Variants in ROBO2 observed in about 807,000 individuals in gnomAD.
The protein encoded by ROBO2 is roundabout guidance receptor 2.
ROBO2 carries 53 observed loss-of-function variants against 160.8 expected under a neutral mutation model. The observed-to-expected ratio is 0.33, with a 90% CI of 0.26 to 0.41. ROBO2 has a LOEUF of 0.41. ROBO2 is among the 10% of genes least tolerant of loss of function. The pLI, the probability that ROBO2 is intolerant of heterozygous loss-of-function variation, is 1.00. For missense variants in ROBO2, 1,577 were observed against 1,722.4 expected (o/e 0.92, Z 1.49); for synonymous variants, 664 against 611.7 (o/e 1.09, Z -1.26).
intron 2 of ROBO2, among the ~76,000 whole-genome samples, chr3:76,420,670 T>G (rs2075957434): frequency 6.6e-6 from 1 of 152,196 alleles, no homozygotes; most frequent in Admixed American, 6.5e-5. Flanking sequence ...CAATATTTTA[T>G]AGTAATAAGC....
chr3:77,512,405 T>G (rs1023136257), intron 5 of ROBO2, among the ~76,000 whole-genome samples: 9 of 151,972 alleles, frequency 5.9e-5, no homozygotes. Flanking sequence ...GCAGGAAAGT[T>G]TATATTTCAT....
intron 2 of ROBO2, among the ~76,000 whole-genome samples, chr3:76,038,712 A>G (rs1281432991): frequency 6.6e-6 from 1 of 151,876 alleles, no homozygotes; most frequent in East Asian, 1.9e-4. Context: ...TCTTGTTAGT[A>G]GCCATCTGAC....
chr3:76,247,979 A>G (rs1406053941), intron 2 of ROBO2, among the ~76,000 whole-genome samples: 1 of 151,876 alleles, frequency 6.6e-6, no homozygotes, highest in African/African-American at 2.4e-5. Flanking sequence ...ATCATTAAAA[A>G]GTCAGGAAAC....
intron 2 of ROBO2, among the ~76,000 whole-genome samples, chr3:76,366,781 A>G (rs1444597721): frequency 2.0e-5 from 3 of 151,962 alleles, no homozygotes; most frequent in Admixed American, 2.0e-4. Context: ...TATCTCTTCA[A>G]ATGTAGTTAT....
intron 2 of ROBO2, among the ~76,000 whole-genome samples, chr3:77,354,930 C>T (rs1232862880): frequency 6.6e-6 from 1 of 152,130 alleles, no homozygotes; most frequent in Non-Finnish European, 1.5e-5. Flanking sequence ...CTAGAAATAC[C>T]GAAGGTTTCT....
intron 2 of ROBO2, among the ~76,000 whole-genome samples, chr3:76,338,356 C>T (rs1273839378): frequency 1.3e-5 from 2 of 152,084 alleles, no homozygotes; most frequent in African/African-American, 4.8e-5. Flanking sequence ...TAAGTGATCA[C>T]ACTTACTTTG....
intron 2 of ROBO2, among the ~76,000 whole-genome samples, chr3:77,267,259 A>G (rs1560383012): frequency 6.6e-6 from 1 of 152,206 alleles, no homozygotes; most frequent in African/African-American, 2.4e-5. Context: ...CAAAAATATT[A>G]GTTGTTTTAT....
intron 2 of ROBO2, among the ~76,000 whole-genome samples, chr3:77,183,742 G>C (rs2081022555): frequency 6.6e-6 from 1 of 152,034 alleles, no homozygotes; most frequent in Non-Finnish European, 1.5e-5. Flanking sequence ...CATTAGCATT[G>C]ATGTTTTGTT....
intron 7 of ROBO2, among the ~76,000 whole-genome samples, chr3:77,547,113 G>C (rs1468861716): frequency 6.6e-6 from 1 of 151,958 alleles, no homozygotes; most frequent in Non-Finnish European, 1.5e-5. Flanking sequence ...GGGCAACATG[G>C]CCTCTCAGAG....
intron 2 of ROBO2, among the ~76,000 whole-genome samples, chr3:77,257,701 A>T (rs2058513265): frequency 6.6e-6 from 1 of 152,234 alleles, no homozygotes; most frequent in Non-Finnish European, 1.5e-5. Flanking sequence ...TGACTGCGTA[A>T]CTAATCTCAT....
chr3:77,436,530 T>C (rs1309020031), intron 2 of ROBO2, among the ~76,000 whole-genome samples: 2 of 151,886 alleles, frequency 1.3e-5, no homozygotes, highest in African/African-American at 4.8e-5. Flanking sequence ...GTATCAACAT[T>C]GCTACTTTAA....
chr3:76,985,764 G>A (rs2060347351), intron 2 of ROBO2, among the ~76,000 whole-genome samples: 1 of 152,050 alleles, frequency 6.6e-6, no homozygotes, highest in South Asian at 2.1e-4. Flanking sequence ...TCAAGCAACA[G>A]TGAAGGAACA....
intron 2 of ROBO2, among the ~76,000 whole-genome samples, chr3:76,580,136 G>T (rs753616604): frequency 3.3e-5 from 5 of 151,978 alleles, no homozygotes; most frequent in Non-Finnish European, 5.9e-5. Flanking sequence ...TTCCCTTGGG[G>T]GCTGTTATAT....
rs10546673 is a variant in ROBO2 at position 77,143,174 on chromosome 3, C to CTTT, written c.388+44862_388+44864dup. ...CAGACACCATTTTCTTAAACAGCAG[C>CTTT]TTTTTTTTTTTTTTTTTTTTTTTTT... On this transcript the variant is annotated intron_variant, in intron 2 of 25. Coordinates refer to ENST00000461745, the Ensembl canonical transcript of ROBO2. 1.2e-3 allele frequency among the ~76,000 whole-genome samples: 72 copies of CTTT among 59,714 alleles called. 3 individuals are homozygous for CTTT. Among genetic ancestry groups the CTTT allele is most frequent in the African/African-American group, 3.0e-3 (47 of 15,682 alleles). 39.2% of individuals were successfully genotyped at this position (59,714 alleles called of 152,430 possible).
intron 2 of ROBO2, among the ~76,000 whole-genome samples, chr3:76,147,769 T>C (rs755570027): frequency 2.6e-5 from 4 of 151,680 alleles, no homozygotes; most frequent in Non-Finnish European, 5.9e-5. Context: ...CATTAGAAAA[T>C]TGGGGTCATT....
intron 2 of ROBO2, among the ~76,000 whole-genome samples, chr3:76,657,287 T>A (rs1380169945): frequency 6.6e-6 from 1 of 151,856 alleles, no homozygotes; most frequent in Non-Finnish European, 1.5e-5. Context: ...TATCTGGGCT[T>A]GGTGGCGGGC....
chr3:76,951,134 T>C (rs982100765), intron 2 of ROBO2, among the ~76,000 whole-genome samples: 2 of 152,228 alleles, frequency 1.3e-5, no homozygotes, highest in African/African-American at 4.8e-5. Context: ...CTAGAGAATT[T>C]ATCAGCTTTG....
At chr3:76,212,194 C>T (rs1436598650) in intron 2 of ROBO2, among the ~76,000 whole-genome samples, 3 of 151,800 alleles carry the variant, frequency 2.0e-5, no homozygotes, top group African/African-American at 7.3e-5. Context: ...TTTCATTTAA[C>T]CATAATCAAT....
In ROBO2 at chr3:77,508,604, G is replaced by T. The variant is rs376363376; in HGVS notation, c.807-14171G>T. On this transcript the variant is annotated intron_variant, in intron 5 of 25. Coordinates refer to ENST00000461745, the Ensembl canonical transcript of ROBO2. Reference sequence around the variant, plus strand: ...ATGTCATTGTTAGTGATAGGTCAGTGCACTATCTGCAGCTATTCATAGTGT... The same window carrying T: ...ATGTCATTGTTAGTGATAGGTCAGTTCACTATCTGCAGCTATTCATAGTGT... Among the ~76,000 whole-genome samples, 5 of 151,806 alleles carry T rather than the reference G, an allele frequency of 3.3e-5. No homozygotes were observed. The South Asian group carries it at 1.0e-3, about 31-fold the overall frequency.
Sources: allele counts gnomAD v4.1 joint callset (sites outside exome capture counted in the v4.1 genomes callset), GRCh38; gene constraint gnomAD v4.1.1; transcripts MANE v1.5; gene names NCBI Gene and HGNC (gene_info 2026-07-23, HGNC 2026-07-21).